CCSER2: variants seen among roughly 807,000 people sequenced by gnomAD.
The protein encoded by CCSER2 is serine-rich coiled-coil domain-containing protein 2.
In CCSER2, 46 loss-of-function variants were observed where a neutral mutation model predicts 92.3. The ratio of observed to expected loss-of-function variants is 0.50; its 90% CI spans 0.39 to 0.64. CCSER2 has a LOEUF of 0.64. Among genes scored for constraint, CCSER2 ranks in the 30% least tolerant of loss-of-function variants. CCSER2 has a pLI of 0.00. For synonymous variants in CCSER2, 433 were observed against 431.4 expected, an observed-to-expected ratio of 1.00 and a Z score of -0.04; for missense variants, 1,244 against 1,238.9, an observed-to-expected ratio of 1.00 and a Z score of -0.06.
chr10:84,347,419 C>T (rs1163182685), intron 1 of CCSER2, among the ~76,000 whole-genome samples: 1 of 150,308 alleles, frequency 6.7e-6, no homozygotes, highest in African/African-American at 2.4e-5. Flanking sequence ...TGCTGACCCC[C>T]CACCTCCCTC....
In CCSER2 at chr10:84,365,683, A is replaced by C. The variant is rs546790014; in HGVS notation, c.-39-5331A>C. On this transcript the variant is annotated intron_variant, in intron 1 of 9. Coordinates refer to ENST00000372088, the MANE Select transcript of CCSER2 (RefSeq NM_001284240.2). ...TGGGCTCATCTTGTGCCTCTAAGTTATTAATACTGAAGATGCTCTTGGGAG... is the reference window on the plus strand; with the variant it reads ...TGGGCTCATCTTGTGCCTCTAAGTTCTTAATACTGAAGATGCTCTTGGGAG... 1.6e-4 allele frequency among the ~76,000 whole-genome samples: 24 copies of C among 152,302 alleles called. No homozygotes were observed. In the South Asian group the frequency reaches 5.0e-3, roughly 32 times the overall value.
At chr10:84,511,794 G>T (rs1849359861) in intron 9 of CCSER2, among the ~76,000 whole-genome samples, 1 of 152,160 alleles carries the variant, frequency 6.6e-6, no homozygotes, top group Non-Finnish European at 1.5e-5. Context: ...ACCCCAGGGA[G>T]AATCTGTTGA....
At chr10:84,395,776 T>A (rs933664167) in intron 3 of CCSER2, among the ~76,000 whole-genome samples, 15 of 152,218 alleles carry the variant, frequency 9.9e-5, no homozygotes, top group African/African-American at 3.6e-4. Context: ...CAGCCGTAGC[T>A]GAATAAGTAG....
intron 1 of CCSER2, among the ~76,000 whole-genome samples, chr10:84,343,025 A>G (rs1011129752): frequency 6.6e-6 from 1 of 152,116 alleles, no homozygotes; most frequent in Non-Finnish European, 1.5e-5. Flanking sequence ...GGCACCTGCC[A>G]CTACACTCAG....
rs757000190 is a variant in CCSER2, at chr10:84,426,471, AATTTATTTAAACCGT to A, written c.1868+579_1868+593del. On this transcript the variant is annotated intron_variant, in intron 5 of 9. Coordinates refer to ENST00000372088, the MANE Select transcript of CCSER2 (RefSeq NM_001284240.2). ...GCAGATTAGCTTTGCAAGCTTAGAT[AATTTATTTAAACCGT>A]CTCTGCTTCACTTTACTATCTTTAA... 9.6e-4 allele frequency among the ~76,000 whole-genome samples: 145 copies of A among 151,138 alleles called. 4 individuals are homozygous for A. In the East Asian group the frequency reaches 0.022, roughly 23 times the overall value.
chr10:84,499,970 G>C (rs1848639935), intron 9 of CCSER2: 1 of 1,613,436 alleles, frequency 6.2e-7, no homozygotes, highest in African/African-American at 1.3e-5. Flanking sequence ...GTGAGTCTGT[G>C]TCTCTCACTC....
intron 1 of CCSER2, among the ~76,000 whole-genome samples, chr10:84,368,954 C>A (rs561182656): frequency 1.3e-5 from 2 of 152,218 alleles, no homozygotes; most frequent in South Asian, 4.1e-4. Context: ...GTTTTTCATT[C>A]CTGAATTACT....
intron 3 of CCSER2, among the ~76,000 whole-genome samples, chr10:84,417,171 T>A (rs1842928214): frequency 1.3e-5 from 2 of 152,182 alleles, no homozygotes; most frequent in Non-Finnish European, 2.9e-5. Context: ...ACTACTTTTT[T>A]AAGAAGAGAT....
At chr10:84,480,115 G>A (rs1333266690) in intron 9 of CCSER2, among the ~76,000 whole-genome samples, 1 of 152,120 alleles carries the variant, frequency 6.6e-6, no homozygotes, top group Non-Finnish European at 1.5e-5. Flanking sequence ...TGCAATTATG[G>A]TCCACTATAG....
intron 9 of CCSER2, among the ~76,000 whole-genome samples, chr10:84,491,527 G>A (rs1188139111): frequency 6.6e-6 from 1 of 152,166 alleles, no homozygotes; most frequent in Non-Finnish European, 1.5e-5. Flanking sequence ...ATGGGCGTGG[G>A]ACCCTCCGAG....
chr10:84,468,048 A>C (rs1846555650), intron 7 of CCSER2, among the ~76,000 whole-genome samples: 1 of 152,182 alleles, frequency 6.6e-6, no homozygotes, highest in Admixed American at 6.5e-5. Context: ...CGTGATAGTC[A>C]TGGCTCTCTG....
chr10:84,397,557 C>T (rs371706452), intron 3 of CCSER2, among the ~76,000 whole-genome samples: 1 of 152,178 alleles, frequency 6.6e-6, no homozygotes, highest in African/African-American at 2.4e-5. Context: ...CACTAATGCA[C>T]TTGGCATTTT....
chr10:84,352,885 G>C (rs1169269327), intron 1 of CCSER2, among the ~76,000 whole-genome samples: 1 of 151,946 alleles, frequency 6.6e-6, no homozygotes, highest in Non-Finnish European at 1.5e-5. Flanking sequence ...CCGCCTTTTA[G>C]GTTCAATTGA....
intron 3 of CCSER2, among the ~76,000 whole-genome samples, chr10:84,387,327 G>A (rs973976022): frequency 2.6e-5 from 4 of 151,956 alleles, no homozygotes; most frequent in Admixed American, 6.6e-5. Flanking sequence ...CTGTTGTATC[G>A]TGAGGACAGC....
Position 84,337,901 on chromosome 10 carries a change from A to T in CCSER2, c.-40+9093A>T, listed in dbSNP as rs557072230. On this transcript the variant is annotated intron_variant, in intron 1 of 9. Coordinates refer to ENST00000372088, the MANE Select transcript of CCSER2 (RefSeq NM_001284240.2). ...AAGGAAAAGGAGCAGGTAGGGGAATAGTTGGTTATGTATTTGTTAAGGTGA... is the reference window on the plus strand; with the variant it reads ...AAGGAAAAGGAGCAGGTAGGGGAATTGTTGGTTATGTATTTGTTAAGGTGA... 5.9e-5 allele frequency among the ~76,000 whole-genome samples: 9 copies of T among 152,300 alleles called. No homozygotes were observed. In the South Asian group the frequency reaches 1.9e-3, roughly 32 times the overall value.
chr10:84,459,854 C>T (rs11815329), intron 6 of CCSER2, among the ~76,000 whole-genome samples: 1,792 of 151,990 alleles, frequency 0.012, 35 homozygotes, highest in African/African-American at 0.04. Flanking sequence ...TCAGGTTGAG[C>T]AAGTTCTTTT....
chr10:84,363,711 A>G (rs1477141532), intron 1 of CCSER2, among the ~76,000 whole-genome samples: 6 of 152,224 alleles, frequency 3.9e-5, no homozygotes, highest in African/African-American at 1.4e-4. Flanking sequence ...ATTAATATCT[A>G]GGTCCTTTGC....
intron 9 of CCSER2, among the ~76,000 whole-genome samples, chr10:84,482,065 C>T (rs899176074): frequency 2.6e-5 from 4 of 152,006 alleles, no homozygotes; most frequent in Admixed American, 2.0e-4. Context: ...TATCTACTTA[C>T]ATGGATATGG....
chr10:84,431,672 G>C (rs1164466432), intron 5 of CCSER2, among the ~76,000 whole-genome samples: 2 of 151,974 alleles, frequency 1.3e-5, no homozygotes, highest in Non-Finnish European at 2.9e-5. Flanking sequence ...AGCCCAGGAG[G>C]TTGAGGCTGC....
Sources: gnomAD v4.1 joint callset for allele counts (sites outside exome capture counted in the v4.1 genomes callset) on GRCh38, gnomAD v4.1.1 for gene constraint, MANE v1.5 for transcripts, NCBI Gene and HGNC (gene_info 2026-07-23, HGNC 2026-07-21) for gene names.